Variants in TAOK3 observed in about 807,000 individuals in gnomAD.
TAOK3 encodes the protein TAO kinase 3.
A neutral mutation model predicts 120.4 loss-of-function variants in TAOK3; 40 were observed. The observed-to-expected ratio is 0.33, with a 90% confidence interval of 0.26 to 0.43. TAOK3 has a LOEUF of 0.43. Among genes scored for constraint, TAOK3 ranks in the 20% least tolerant of loss-of-function variants. The pLI is 1.00. For missense variants in TAOK3, 821 were observed against 1,112.1 expected, an observed-to-expected ratio of 0.74 and a Z score of 3.72; for synonymous variants, 355 against 387.5, an observed-to-expected ratio of 0.92 and a Z score of 0.99.
At chr12:118,151,229 C>T in intron 20 of TAOK3, 71 bp from the exon 21 acceptor site, 1 of 1,525,162 alleles carries the variant, frequency 6.6e-7, no homozygotes, top group South Asian at 1.2e-5. Context: ...CGCGATACAC[C>T]CATAGGCACA....
intron 3 of TAOK3, among the ~76,000 whole-genome samples, chr12:118,247,196 CTATTG>C (rs1284793355): frequency 6.6e-6 from 1 of 152,024 alleles, no homozygotes; most frequent in Non-Finnish European, 1.5e-5. Flanking sequence ...TGCCTACTTG[CTATTG>C]TATTGAACAG....
At chr12:118,333,093 T>C (rs1232462877) in intron 1 of TAOK3, among the ~76,000 whole-genome samples, 3 of 151,890 alleles carry the variant, frequency 2.0e-5, no homozygotes, top group Admixed American at 6.6e-5. Flanking sequence ...GACAGAAAAT[T>C]AACAAAGACA....
At chr12:118,164,961 T>C (rs774112768) in intron 17 of TAOK3, among the ~76,000 whole-genome samples, 3 of 152,160 alleles carry the variant, frequency 2.0e-5, no homozygotes, top group East Asian at 1.9e-4. Context: ...CAAGTAGTTA[T>C]TGAGCACCTA....
chr12:118,316,992 G>A lies in TAOK3; in HGVS notation c.-193-50233C>T, dbSNP rs368095659. On this transcript the variant is annotated intron_variant, in intron 1 of 20. Coordinates refer to ENST00000392533, the MANE Select transcript of TAOK3 (RefSeq NM_016281.4). ...ACAAAACATTGCTGGGGCTGGGCACGGTGGCTCACGCCTGTAATCTCAGCA... is the reference window on the plus strand; with the variant it reads ...ACAAAACATTGCTGGGGCTGGGCACAGTGGCTCACGCCTGTAATCTCAGCA... Among the ~76,000 whole-genome samples the A allele has an allele frequency of 1.3e-4, 20 of 152,198 alleles. No individual in the cohort carries two copies. The East Asian group carries it at 1.4e-3, about 10-fold the overall frequency.
At chr12:118,339,006 AGTGT>A (rs141538583) in intron 1 of TAOK3, among the ~76,000 whole-genome samples, 3,111 of 152,110 alleles carry the variant, frequency 0.02, 107 homozygotes, top group African/African-American at 0.071. Flanking sequence ...ACCAGCAAAG[AGTGT>A]GGTGTGCTGC....
chr12:118,262,981 C>G (rs918870406), intron 2 of TAOK3, among the ~76,000 whole-genome samples: 3 of 152,092 alleles, frequency 2.0e-5, no homozygotes, highest in African/African-American at 4.8e-5. Flanking sequence ...TTTTTAAACT[C>G]TGAGAAGTTT....
intron 1 of TAOK3, among the ~76,000 whole-genome samples, chr12:118,318,436 G>A (rs2043564280): frequency 6.6e-6 from 1 of 152,148 alleles, no homozygotes; most frequent in South Asian, 2.1e-4. Flanking sequence ...GATTACAGGT[G>A]TGAGCCGCTG....
chr12:118,353,787 C>T, intron 1 of TAOK3, among the ~76,000 whole-genome samples: 1 of 152,098 alleles, frequency 6.6e-6, no homozygotes, highest in Non-Finnish European at 1.5e-5. Context: ...CAGGAGCTGG[C>T]TAGGAGACAA....
At chr12:118,218,792 A>G (rs964365315) in intron 9 of TAOK3, among the ~76,000 whole-genome samples, 1 of 152,076 alleles carries the variant, frequency 6.6e-6, no homozygotes, top group East Asian at 1.9e-4. Context: ...CGTCTCTACT[A>G]AAAATACAAA....
chr12:118,253,824 T>G (rs1218923172), intron 3 of TAOK3, among the ~76,000 whole-genome samples: 1 of 149,370 alleles, frequency 6.7e-6, no homozygotes, highest in Non-Finnish European at 1.5e-5. Flanking sequence ...GAGGCCGAGG[T>G]GGTCAGATCA....
intron 1 of TAOK3, among the ~76,000 whole-genome samples, chr12:118,282,825 A>G (rs1284344495): frequency 6.6e-6 from 1 of 152,328 alleles, no homozygotes; most frequent in Non-Finnish European, 1.5e-5. Flanking sequence ...CCAAAGTCAC[A>G]TGCCCGCCTG....
intron 1 of TAOK3, among the ~76,000 whole-genome samples, chr12:118,278,729 A>G (rs1175153310): frequency 6.6e-6 from 1 of 152,204 alleles, no homozygotes; most frequent in East Asian, 1.9e-4. Context: ...GCTTTCCACA[A>G]TGACTGAACT....
At chr12:118,173,736 ATGTTAAAC>A (rs2036148469) in intron 16 of TAOK3, among the ~76,000 whole-genome samples, 1 of 152,254 alleles carries the variant, frequency 6.6e-6, no homozygotes, top group Non-Finnish European at 1.5e-5. Context: ...GACTGTTAAG[ATGTTAAAC>A]TGTGGTGAAA....
chr12:118,189,535 G>GACACACACAC (rs869285530), intron 14 of TAOK3, among the ~76,000 whole-genome samples: 22 of 132,266 alleles, frequency 1.7e-4, no homozygotes, highest in Non-Finnish European at 2.4e-4. Flanking sequence ...CACAGACACA[G>GACACACACAC]ACACACACAC....
intron 7 of TAOK3, 98 bp downstream of exon 7, chr12:118,237,975 T>TTA: frequency 1.3e-6 from 1 of 760,488 alleles, no homozygotes; most frequent in Middle Eastern, 2.5e-4. Context: ...CCATGAATGC[T>TTA]TAGGCAACCT....
intron 1 of TAOK3, among the ~76,000 whole-genome samples, chr12:118,289,459 T>C (rs1319807317): frequency 6.6e-6 from 1 of 152,138 alleles, no homozygotes; most frequent in Non-Finnish European, 1.5e-5. Flanking sequence ...TTTACAATTA[T>C]ATTTGTCTAT....
At chr12:118,282,486 G>C (rs1013590061) in intron 1 of TAOK3, among the ~76,000 whole-genome samples, 1 of 152,170 alleles carries the variant, frequency 6.6e-6, no homozygotes, top group Non-Finnish European at 1.5e-5. Flanking sequence ...ATGTATTGAT[G>C]AGGCTGTTCC....
At chr12:118,263,878 C>T (rs2041334053) in intron 2 of TAOK3, among the ~76,000 whole-genome samples, 1 of 152,120 alleles carries the variant, frequency 6.6e-6, no homozygotes, top group South Asian at 2.1e-4. Flanking sequence ...CCAGCCTGGC[C>T]AACATGGTGA....
intron 17 of TAOK3, among the ~76,000 whole-genome samples, chr12:118,169,146 TGGGATTACA>T (rs1014376037): frequency 6.6e-6 from 1 of 152,114 alleles, no homozygotes; most frequent in African/African-American, 2.4e-5. Context: ...CCCAAGTAGC[TGGGATTACA>T]GGCACCCACC....
Sources: gnomAD v4.1 joint callset for allele counts (sites outside exome capture counted in the v4.1 genomes callset) on GRCh38, gnomAD v4.1.1 for gene constraint, MANE v1.5 for transcripts, NCBI Gene and HGNC (gene_info 2026-07-23, HGNC 2026-07-21) for gene names.